The following PPP4R4 variants were observed in gnomAD, a reference collection of about 807,000 sequenced individuals.
PPP4R4 encodes serine/threonine-protein phosphatase 4 regulatory subunit 4.
In PPP4R4, 70 loss-of-function variants were observed where a neutral mutation model predicts 121.8. The observed-to-expected ratio is 0.57, with a 90% confidence interval of 0.47 to 0.70. The LOEUF (loss-of-function observed/expected upper bound fraction) is 0.70. Ranked by LOEUF, PPP4R4 falls within the 30% of genes least tolerant of loss-of-function variation. The probability of loss-of-function intolerance (pLI) is 0.00; values close to 1 mark genes in which losing one functional copy is unlikely to be tolerated. For missense variants in PPP4R4, 875 were observed against 1,033.6 expected (o/e 0.85, Z 2.10); for synonymous variants, 348 against 355.7 (o/e 0.98, Z 0.24).
At chr14:94,217,215 A>G (rs1891069354) in intron 3 of PPP4R4, among the ~76,000 whole-genome samples, 1 of 151,894 alleles carries the variant, frequency 6.6e-6, no homozygotes. Flanking sequence ...CCTGCTGAAA[A>G]CTGAGGGTGG....
At chr14:94,200,169 T>C (rs904746705) in intron 2 of PPP4R4, among the ~76,000 whole-genome samples, 3 of 152,198 alleles carry the variant, frequency 2.0e-5, no homozygotes, top group Non-Finnish European at 2.9e-5. Flanking sequence ...GAATATAATA[T>C]ATAAAAGTAG....
chr14:94,201,209 T>G (rs886529870), intron 2 of PPP4R4, among the ~76,000 whole-genome samples: 4 of 152,228 alleles, frequency 2.6e-5, no homozygotes, highest in Non-Finnish European at 5.9e-5. Context: ...AATTTTGATT[T>G]TCTTAAATTT....
intron 19 of PPP4R4, among the ~76,000 whole-genome samples, chr14:94,262,932 G>A (rs944066325): frequency 6.6e-6 from 1 of 151,964 alleles, no homozygotes; most frequent in Non-Finnish European, 1.5e-5. Flanking sequence ...TTCTAATAAT[G>A]TGTTTCTGTC....
At chr14:94,205,726 G>A (rs1285050226) in intron 2 of PPP4R4, among the ~76,000 whole-genome samples, 1 of 151,592 alleles carries the variant, frequency 6.6e-6, no homozygotes, top group Non-Finnish European at 1.5e-5. Flanking sequence ...TTTCCCGTGA[G>A]ACCTTTCTCT....
At chr14:94,258,759 T>G in intron 17 of PPP4R4, 24 bp from the exon 18 acceptor site, 1 of 1,510,260 alleles carries the variant, frequency 6.6e-7, no homozygotes, top group South Asian at 1.2e-5. Context: ...TACTTTAGAA[T>G]AATTTTAAAA....
chr14:94,258,764 T>G lies in PPP4R4; in HGVS notation c.2011-19T>G. On this transcript the variant is annotated intron_variant, in intron 17 of 24. Transcript: ENST00000304338. ...TTAATTTAATTACTTTAGAATAATT[T>G]TAAAAACTTTCCTTATAGACTGTAT... 1 of 1,530,886 alleles carries G rather than the reference T, an allele frequency of 6.5e-7. No homozygotes were observed. The highest frequency in any genetic ancestry group is 1.7e-4 in the Middle Eastern group (1 of 5,838). The allele number at this position is 1,530,886 out of a possible 1,614,324, so 94.8% of individuals were successfully genotyped here. A position where few individuals can be genotyped will look rare whatever the true frequency, so the allele number is the denominator to read the frequency against.
chr14:94,230,789 G>A (rs1891985793), intron 4 of PPP4R4, 55 bp downstream of exon 4: 2 of 1,513,126 alleles, frequency 1.3e-6, no homozygotes, highest in South Asian at 2.4e-5. Flanking sequence ...TTTGTGTATG[G>A]CCATGATATT....
At chr14:94,209,571 A>G (rs1306588225) in intron 3 of PPP4R4, among the ~76,000 whole-genome samples, 1 of 152,094 alleles carries the variant, frequency 6.6e-6, no homozygotes, top group Non-Finnish European at 1.5e-5. Context: ...TTGGCATTGC[A>G]TGTGATTCAA....
rs772495135 is a variant in PPP4R4 at position 94,250,233 on chromosome 14, G to T, written c.1673G>T (p.Arg558Leu). ...RTLCIFLRYN[R>L]KQEQRHEVIQ... ...CTATGCATTTTTCTGCGTTATAATCGTAAACAAGAACAGAGACATGAGGTC... is the reference window on the plus strand; with the variant it reads ...CTATGCATTTTTCTGCGTTATAATCTTAAACAAGAACAGAGACATGAGGTC... The change falls in exon 15 of 25, where the codon CGT (arginine) becomes CTT (leucine). Residue 558 changes from arginine to leucine, a missense_variant. Arg to Leu is a moderately radical substitution (Grantham distance 102). Coordinates refer to ENST00000304338, the MANE Select transcript of PPP4R4 (RefSeq NM_058237.2). 10 of 1,611,710 alleles carry T rather than the reference G, an allele frequency of 6.2e-6. No individual in the cohort carries two copies. The Admixed American group carries it at 1.7e-4, about 27-fold the overall frequency.
chr14:94,244,026 A>G (rs1026250084), intron 11 of PPP4R4, among the ~76,000 whole-genome samples: 8 of 152,108 alleles, frequency 5.3e-5, no homozygotes, highest in African/African-American at 1.9e-4. Context: ...TTTAGAAAGA[A>G]TAAGGTGAAA....
rs757191753 is a variant in PPP4R4 at position 94,174,448 on chromosome 14, G to T, written c.-18G>T. ...CCGGGGCCGCTCCGGCCCGGGCGGC[G>T]AGAGTGCCCGGCGGTCCATGCATCC... On this transcript the variant is annotated 5_prime_UTR_variant, in exon 1 of 25. Coordinates refer to ENST00000304338, the MANE Select transcript of PPP4R4 (RefSeq NM_058237.2). 6.4e-7 allele frequency: 1 copy of T among 1,564,492 alleles called. No homozygotes were observed. Among genetic ancestry groups the T allele is most frequent in the Non-Finnish European group, 8.6e-7 (1 of 1,157,608 alleles).
chr14:94,200,797 TC>T (rs1334266439), intron 2 of PPP4R4, among the ~76,000 whole-genome samples: 3 of 112,718 alleles, frequency 2.7e-5, no homozygotes, highest in Admixed American at 9.1e-5. Context: ...GTTTCACTTA[TC>T]TTTTGTATTT....
In PPP4R4 at chr14:94,265,157, C is replaced by T. The variant is rs189377586; in HGVS notation, c.2197+210C>T. ...AAAGGCAGGAACCAGGGTGGACGTT[C>T]AGATGCTTCAAAAGAAAAGCTTCAA... On this transcript the variant is annotated intron_variant, in intron 20 of 24. Transcript: ENST00000304338. 7.2e-4 allele frequency among the ~76,000 whole-genome samples: 109 copies of T among 152,254 alleles called. 1 individual carries two copies. The highest frequency in any genetic ancestry group is 2.5e-3 in the African/African-American group (103 of 41,572).
intron 3 of PPP4R4, among the ~76,000 whole-genome samples, chr14:94,218,791 G>A (rs1229446325): frequency 6.6e-6 from 1 of 151,876 alleles, no homozygotes; most frequent in Non-Finnish European, 1.5e-5. Flanking sequence ...ATAAACTGCT[G>A]AAAATAAAAA....
intron 2 of PPP4R4, among the ~76,000 whole-genome samples, chr14:94,187,104 G>A (rs1199850220): frequency 1.3e-5 from 2 of 152,076 alleles, no homozygotes; most frequent in Non-Finnish European, 2.9e-5. Context: ...CACAAGGCAG[G>A]AGTTTGAGAC....
At chr14:94,271,053 G>A (rs529296357) in intron 23 of PPP4R4, among the ~76,000 whole-genome samples, 10 of 152,148 alleles carry the variant, frequency 6.6e-5, no homozygotes, top group African/African-American at 1.4e-4. Context: ...AAAACAGAAA[G>A]CATCTAGCCC....
intron 18 of PPP4R4, among the ~76,000 whole-genome samples, 158 bp from the exon 19 acceptor site, chr14:94,259,137 C>T (rs889788325): frequency 5.9e-5 from 9 of 152,198 alleles, no homozygotes; most frequent in Admixed American, 2.0e-4. Flanking sequence ...ATCTCCCACC[C>T]GGTCCCTCCC....
chr14:94,213,320 C>G (rs1250328831), intron 3 of PPP4R4, among the ~76,000 whole-genome samples: 1 of 152,150 alleles, frequency 6.6e-6, no homozygotes, highest in Admixed American at 6.5e-5. Flanking sequence ...ACAGCAGCCT[C>G]CTCACTGAGT....
chr14:94,180,789 G>A (rs1222141304), intron 2 of PPP4R4, among the ~76,000 whole-genome samples: 5 of 151,540 alleles, frequency 3.3e-5, no homozygotes, highest in Admixed American at 1.3e-4. Flanking sequence ...CACTGCCCCC[G>A]ATCATAAAGT....
Sources: allele counts gnomAD v4.1 joint callset (sites outside exome capture counted in the v4.1 genomes callset), GRCh38; gene constraint gnomAD v4.1.1; transcripts MANE v1.5; gene names NCBI Gene and HGNC (gene_info 2026-07-23, HGNC 2026-07-21).